The following TMEM132B variants were observed in gnomAD, a reference collection of about 807,000 sequenced individuals.
The protein encoded by TMEM132B is transmembrane protein 132B.
Under a neutral mutation model 90.8 loss-of-function variants are expected in TMEM132B, and 18 were observed. The ratio of observed to expected loss-of-function variants is 0.20; its 90% CI spans 0.14 to 0.29. The LOEUF is 0.29. Ranked by LOEUF, TMEM132B falls within the 10% of genes least tolerant of loss-of-function variation. The pLI, the probability that TMEM132B is intolerant of heterozygous loss-of-function variation, is 1.00. For synonymous variants in TMEM132B, 504 were observed against 523.3 expected (o/e 0.96, Z 0.50); for missense variants, 1,096 against 1,326.8 (o/e 0.83, Z 2.70).
chr12:125,581,294 T>G (rs1372796600), intron 4 of TMEM132B, among the ~76,000 whole-genome samples: 1 of 152,250 alleles, frequency 6.6e-6, no homozygotes, highest in Non-Finnish European at 1.5e-5. Context: ...TTAAGAATTT[T>G]AGTTGCAACT....
At chr12:125,533,471 T>G (rs948733481) in intron 4 of TMEM132B, among the ~76,000 whole-genome samples, 4 of 152,212 alleles carry the variant, frequency 2.6e-5, no homozygotes, top group Non-Finnish European at 2.9e-5. Context: ...GAGGGAATGT[T>G]CCTAAACGCT....
chr12:125,336,097 A>G (rs1161325031), intron 1 of TMEM132B, among the ~76,000 whole-genome samples: 1 of 152,212 alleles, frequency 6.6e-6, no homozygotes, highest in African/African-American at 2.4e-5. Context: ...AGGACACAGA[A>G]GAGCTCCATC....
At chr12:125,591,381 C>T (rs1234987109) in intron 5 of TMEM132B, among the ~76,000 whole-genome samples, 1 of 152,108 alleles carries the variant, frequency 6.6e-6, no homozygotes, top group Non-Finnish European at 1.5e-5. Context: ...AGCAGCGTAG[C>T]ATCTCCAACT....
intron 4 of TMEM132B, among the ~76,000 whole-genome samples, chr12:125,564,173 C>T (rs1330056401): frequency 2.0e-5 from 3 of 152,190 alleles, no homozygotes; most frequent in African/African-American, 7.2e-5. Flanking sequence ...AGTCCTGAAA[C>T]ACTATTCATG....
intron 2 of TMEM132B, among the ~76,000 whole-genome samples, chr12:125,378,527 C>T (rs1878564397): frequency 1.3e-5 from 2 of 152,234 alleles, no homozygotes; most frequent in African/African-American, 4.8e-5. Context: ...ATCTTCATGG[C>T]TGCTACACCT....
chr12:125,631,538 C>T (rs1397909501), intron 5 of TMEM132B, among the ~76,000 whole-genome samples: 1 of 152,052 alleles, frequency 6.6e-6, no homozygotes, highest in Non-Finnish European at 1.5e-5. Context: ...TCCACTGTTT[C>T]TTTGTTGATT....
chr12:125,232,615 A>C (rs7961719), intron 1 of TMEM132B, among the ~76,000 whole-genome samples: 3,193 of 152,328 alleles, frequency 0.021, 115 homozygotes, highest in African/African-American at 0.072. Flanking sequence ...TGCTTGCCAG[A>C]CAGACAGGGA....
Position 125,660,274 on chromosome 12 carries a change from A to G in TMEM132B, c.*5564A>G, listed in dbSNP as rs1887176081. 6.6e-6 allele frequency: 1 copy of G among 152,196 alleles called. No individual in the cohort carries two copies. Among genetic ancestry groups the G allele is most frequent in the African/African-American group, 2.4e-5 (1 of 41,450 alleles). The allele number at this position is 152,196 out of a possible 1,614,324, so 9.4% of individuals were successfully genotyped here. On this transcript the variant is annotated 3_prime_UTR_variant, in exon 9 of 9. Transcript: ENST00000682704. ...CAAACAGAAACAAAACAAGAAAAAC[A>G]AAAAGAACTTAACCAGTTCTCCCCA...
intron 5 of TMEM132B, among the ~76,000 whole-genome samples, chr12:125,613,218 C>G (rs959247234): frequency 8.7e-6 from 1 of 115,036 alleles, no homozygotes; most frequent in African/African-American, 3.2e-5. Flanking sequence ...TATACACCCA[C>G]TATATTATAT....
intron 2 of TMEM132B, among the ~76,000 whole-genome samples, chr12:125,392,995 A>G (rs395891): frequency 0.51 from 77,920 of 151,718 alleles, 20,755 homozygotes; most frequent in East Asian, 0.88. Context: ...CTGTGCCCAC[A>G]TTTGCAACAA....
In TMEM132B at chr12:125,277,535, A is replaced by T. The variant is rs1041910667; in HGVS notation, c.68-71917A>T. On this transcript the variant is annotated intron_variant, in intron 1 of 8. Transcript: ENST00000682704. This position sits in a 1 kb window ranked among gnomAD's most constrained non-coding sequence, Gnocchi z 4.3. ...CACACACACACACACACACATACAC[A>T]CACACACGGGAAGGCCATGTGAAGA... is the stretch of plus-strand genomic sequence containing the variant. Among the ~76,000 whole-genome samples the T allele has an allele frequency of 4.6e-5, 7 of 151,834 alleles. No homozygotes were observed. Among genetic ancestry groups the T allele is most frequent in the Admixed American group, 4.6e-4 (7 of 15,246 alleles).
At chr12:125,436,437 A>C (rs1251527159) in intron 3 of TMEM132B, among the ~76,000 whole-genome samples, 1 of 152,184 alleles carries the variant, frequency 6.6e-6, no homozygotes, top group African/African-American at 2.4e-5. Flanking sequence ...ATTTAAGAAG[A>C]GGTTACACTG....
At chr12:125,533,089 G>A (rs1440796132) in intron 4 of TMEM132B, among the ~76,000 whole-genome samples, 1 of 152,116 alleles carries the variant, frequency 6.6e-6, no homozygotes, top group Non-Finnish European at 1.5e-5. Context: ...AGAAAATCAA[G>A]CTGCTGTCGT....
At position 125,409,616 on chromosome 12, in the gene TMEM132B, AGT is replaced by A. The variant is rs1566026156; in HGVS notation, c.960-5913_960-5912del. Among the ~76,000 whole-genome samples, 112 of 89,520 alleles carry A rather than the reference AGT, an allele frequency of 1.3e-3. 2 individuals are homozygous for A. The highest frequency in any genetic ancestry group is 2.0e-3 in the Non-Finnish European group (88 of 45,094). The allele number at this position is 89,520 out of a possible 152,430, so 58.7% of individuals were successfully genotyped here. A position where few individuals can be genotyped will look rare whatever the true frequency, so the allele number is the denominator to read the frequency against. On this transcript the variant is annotated intron_variant, in intron 2 of 8. Coordinates refer to ENST00000682704, the MANE Select transcript of TMEM132B (RefSeq NM_001366854.1). ...GGAGTGGAGGAGTGGAGTGGAGTGG[AGT>A]GGAGGAGTGGAGTGGAGTGGAGGAG...
At chr12:125,224,926 A>G (rs1240507144) in intron 1 of TMEM132B, among the ~76,000 whole-genome samples, 1 of 152,182 alleles carries the variant, frequency 6.6e-6, no homozygotes, top group Non-Finnish European at 1.5e-5. Context: ...ACTTTTTTGC[A>G]TTCTTTCTTT....
chr12:125,345,701 C>T (rs546900826), intron 1 of TMEM132B, among the ~76,000 whole-genome samples: 2 of 152,148 alleles, frequency 1.3e-5, no homozygotes, highest in Non-Finnish European at 2.9e-5. Context: ...ACTTGACTCT[C>T]TTCTTGGCTC....
At chr12:125,348,731 GA>G (rs1236060665) in intron 1 of TMEM132B, among the ~76,000 whole-genome samples, 16 of 152,222 alleles carry the variant, frequency 1.1e-4, no homozygotes, top group Non-Finnish European at 2.2e-4. Flanking sequence ...GTGGCACAGA[GA>G]GGCTAAGTAA....
At chr12:125,539,566 C>T (rs149645578) in intron 4 of TMEM132B, among the ~76,000 whole-genome samples, 79 of 152,288 alleles carry the variant, frequency 5.2e-4, no homozygotes, top group Middle Eastern at 6.8e-3. Context: ...ATGTAAGCTC[C>T]GTGAGGGCAG....
chr12:125,373,279 G>A (rs1197229496), intron 2 of TMEM132B, among the ~76,000 whole-genome samples: 1 of 152,234 alleles, frequency 6.6e-6, no homozygotes, highest in Admixed American at 6.5e-5. Flanking sequence ...GCCATGGGCT[G>A]AATTGTGTCC....
Sources: gnomAD v4.1 joint callset for allele counts (sites outside exome capture counted in the v4.1 genomes callset) on GRCh38, gnomAD v4.1.1 for gene constraint, Gnocchi (gnomAD v3.1) non-coding constraint, MANE v1.5 for transcripts, NCBI Gene and HGNC (gene_info 2026-07-23, HGNC 2026-07-21) for gene names.